ABCC1: variants seen among roughly 807,000 people sequenced by gnomAD.
ABCC1 encodes multidrug resistance-associated protein 1.
In ABCC1, 83 loss-of-function variants were observed where a neutral mutation model predicts 172.9. The observed-to-expected ratio is 0.48, with a 90% CI of 0.40 to 0.58. The LOEUF is 0.58. Ranked by LOEUF, ABCC1 falls within the 20% of genes least tolerant of loss-of-function variation. ABCC1 has a pLI of 0.00. For synonymous variants in ABCC1, 937 were observed against 825.2 expected, an observed-to-expected ratio of 1.14 and a Z score of -2.32; for missense variants, 1,817 against 2,002.7, an observed-to-expected ratio of 0.91 and a Z score of 1.77.
chr16:16,074,716 A>G (rs1324084019), intron 14 of ABCC1, among the ~76,000 whole-genome samples: 16 of 152,174 alleles, frequency 1.1e-4, no homozygotes, highest in Admixed American at 1.0e-3. Flanking sequence ...AATTCCTTAA[A>G]TAGCAACTCC....
intron 25 of ABCC1, 80 bp from the exon 26 acceptor site, chr16:16,125,730 A>T (rs1366100387): frequency 3.7e-5 from 18 of 484,148 alleles, no homozygotes; most frequent in Non-Finnish European, 6.1e-5. Context: ...GTTTCCTATT[A>T]TCTCAGTGGA....
chr16:16,122,504 G>C (rs994389223), intron 24 of ABCC1, among the ~76,000 whole-genome samples: 2 of 152,152 alleles, frequency 1.3e-5, no homozygotes, highest in Non-Finnish European at 2.9e-5. Context: ...TCATACCGCT[G>C]TTCCCGTCTG....
intron 19 of ABCC1, 39 bp downstream of exon 19, chr16:16,090,627 T>G (rs778774747): frequency 1.3e-6 from 2 of 1,518,902 alleles, no homozygotes; most frequent in Admixed American, 4.2e-5. Flanking sequence ...TCAGGGTGTC[T>G]GGCACCTTGA....
intron 1 of ABCC1, among the ~76,000 whole-genome samples, chr16:15,993,602 C>T (rs2151641832): frequency 6.6e-6 from 1 of 152,170 alleles, no homozygotes; most frequent in Admixed American, 6.5e-5. Flanking sequence ...CAGGATGGCC[C>T]CCGACAACCA....
At chr16:16,000,420 C>T (rs1031412023) in intron 1 of ABCC1, among the ~76,000 whole-genome samples, 1 of 152,032 alleles carries the variant, frequency 6.6e-6, no homozygotes, top group Non-Finnish European at 1.5e-5. Flanking sequence ...GCCGGGATTA[C>T]AGGCATGAGC....
chr16:15,993,298 G>A (rs1001116281), intron 1 of ABCC1, among the ~76,000 whole-genome samples: 8 of 152,116 alleles, frequency 5.3e-5, no homozygotes, highest in Non-Finnish European at 8.8e-5. Flanking sequence ...CTTGGCTGCC[G>A]GGAACACCAG....
At chr16:16,084,420 G>GTGGCTCACTCT in intron 17 of ABCC1, among the ~76,000 whole-genome samples, 1 of 149,342 alleles carries the variant, frequency 6.7e-6, no homozygotes, top group Non-Finnish European at 1.5e-5. Context: ...CTAGAGTGTA[G>GTGGCTCACTCT]TGGCTCACTC....
At chr16:16,075,310 C>T (rs1158546941) in intron 14 of ABCC1, among the ~76,000 whole-genome samples, 1 of 151,800 alleles carries the variant, frequency 6.6e-6, no homozygotes, top group Non-Finnish European at 1.5e-5. Context: ...TAAAAGAAGA[C>T]AGAGGTGCTA....
chr16:16,129,666 T>C (rs370765500), intron 26 of ABCC1, among the ~76,000 whole-genome samples: 5 of 151,792 alleles, frequency 3.3e-5, no homozygotes, highest in African/African-American at 1.2e-4. Flanking sequence ...ACCTCCCAAG[T>C]AGCTGAGATT....
chr16:15,957,815 A>G (rs1354149214), intron 1 of ABCC1, among the ~76,000 whole-genome samples: 1 of 151,770 alleles, frequency 6.6e-6, no homozygotes, highest in African/African-American at 2.4e-5. Context: ...CATGGCCTCG[A>G]TCTCTTGACC....
Position 16,141,306 on chromosome 16 carries a change from A to G in ABCC1, c.*25A>G, listed in dbSNP as rs758680828. The G allele has an allele frequency of 3.7e-6, 6 of 1,607,132 alleles. No individual in the cohort carries two copies. In the Admixed American group the frequency reaches 1.0e-4, roughly 27 times the overall value. On this transcript the variant is annotated 3_prime_UTR_variant, in exon 31 of 31. Coordinates refer to ENST00000399410, the MANE Select transcript of ABCC1 (RefSeq NM_004996.4). ...AGCCCCAGAGCTGGCATATCTGGTC[A>G]GAACTGCAGGGCCTATATGCCAGCG...
chr16:16,036,705 A>G, intron 7 of ABCC1, 102 bp downstream of exon 7: 1 of 1,302,906 alleles, frequency 7.7e-7, no homozygotes, highest in Non-Finnish European at 1.1e-6. Flanking sequence ...GCCTGTTACT[A>G]GCTTTGTGGT....
chr16:15,998,373 C>T (rs895935750), intron 1 of ABCC1, among the ~76,000 whole-genome samples: 2 of 152,274 alleles, frequency 1.3e-5, no homozygotes, highest in Non-Finnish European at 2.9e-5. Flanking sequence ...GCAATCCTCC[C>T]GCCTCAGCCT....
At chr16:15,984,392 A>G (rs1050930024) in intron 1 of ABCC1, among the ~76,000 whole-genome samples, 2 of 152,142 alleles carry the variant, frequency 1.3e-5, no homozygotes, top group Non-Finnish European at 2.9e-5. Flanking sequence ...ATGAGAAACT[A>G]AAAGAGGCAA....
chr16:15,959,418 T>C lies in ABCC1; in HGVS notation c.48+9619T>C, dbSNP rs557881974. ...ATAGCTCACTGCAGCCTCGACCTCC[T>C]GGGCTGAAGCTATCTTCCCACCTTA... On this transcript the variant is annotated intron_variant, in intron 1 of 30. Coordinates refer to ENST00000399410, the MANE Select transcript of ABCC1 (RefSeq NM_004996.4). Among the ~76,000 whole-genome samples, 24 of 152,260 alleles carry C rather than the reference T, an allele frequency of 1.6e-4. No homozygotes were observed. The South Asian group carries it at 3.5e-3, about 22-fold the overall frequency.
intron 12 of ABCC1, among the ~76,000 whole-genome samples, chr16:16,065,630 G>C (rs746532036): frequency 1.3e-5 from 2 of 152,044 alleles, no homozygotes; most frequent in African/African-American, 4.8e-5. Context: ...ACAGGGTTTT[G>C]CCCTGTCAGA....
At chr16:16,116,017 C>G (rs1169524837) in intron 23 of ABCC1, among the ~76,000 whole-genome samples, 1 of 151,954 alleles carries the variant, frequency 6.6e-6, no homozygotes, top group African/African-American at 2.4e-5. Context: ...ATTCTCCTGC[C>G]TCAGCCTCCC....
At chr16:16,066,777 G>A (rs1317143470) in intron 12 of ABCC1, among the ~76,000 whole-genome samples, 10 of 151,820 alleles carry the variant, frequency 6.6e-5, no homozygotes, top group East Asian at 4.0e-4. Context: ...GGTGGTGGGC[G>A]CCTATAATCC....
intron 9 of ABCC1, among the ~76,000 whole-genome samples, chr16:16,046,587 C>T (rs952450515): frequency 3.3e-5 from 5 of 152,070 alleles, no homozygotes; most frequent in East Asian, 1.9e-4. Flanking sequence ...TCAGGTGATC[C>T]GCCTGCCTCA....
Sources: gnomAD v4.1 joint callset for allele counts (sites outside exome capture counted in the v4.1 genomes callset) on GRCh38, gnomAD v4.1.1 for gene constraint, MANE v1.5 for transcripts, NCBI Gene and HGNC (gene_info 2026-07-23, HGNC 2026-07-21) for gene names.